The following PCDHA13 variants were observed in gnomAD, a reference collection of about 807,000 sequenced individuals.
PCDHA13 encodes protocadherin alpha 13, also known as protocadherin alpha-13.
A neutral mutation model predicts 64.8 loss-of-function variants in PCDHA13; 54 were observed. That is an observed-to-expected ratio of 0.83 (90% confidence interval 0.67 to 1.04). The LOEUF is 1.04. Ranked by LOEUF, PCDHA13 falls within the 50% of genes least tolerant of loss-of-function variation. The pLI, the probability that PCDHA13 is intolerant of heterozygous loss-of-function variation, is 0.00. For missense variants in PCDHA13, 1,248 were observed against 1,254.3 expected (o/e 0.99, Z 0.08); for synonymous variants, 587 against 564.4 (o/e 1.04, Z -0.57).
intron 1 of PCDHA13, among the ~76,000 whole-genome samples, chr5:140,937,805 G>A (rs1192616946): frequency 1.3e-5 from 2 of 149,798 alleles, no homozygotes; most frequent in African/African-American, 2.5e-5. Context: ...CCAGCTACTC[G>A]GGAAGCTGAG....
intron 1 of PCDHA13, among the ~76,000 whole-genome samples, chr5:140,918,373 C>A (rs1459758959): frequency 6.6e-6 from 1 of 152,056 alleles, no homozygotes; most frequent in Non-Finnish European, 1.5e-5. Context: ...TATTTGGATG[C>A]CTTTTATTTC....
intron 1 of PCDHA13, among the ~76,000 whole-genome samples, chr5:140,949,848 C>T (rs534650997): frequency 2.2e-4 from 34 of 151,738 alleles, no homozygotes; most frequent in African/African-American, 6.0e-4. Flanking sequence ...CTTCTGTTTC[C>T]GCTTATCTGT....
At chr5:140,970,271 G>A (rs1395602971) in intron 1 of PCDHA13, among the ~76,000 whole-genome samples, 1 of 152,200 alleles carries the variant, frequency 6.6e-6, no homozygotes, top group Non-Finnish European at 1.5e-5. Context: ...TTGATGAGAT[G>A]TAAAGTAGCC....
chr5:140,967,747 A>C, intron 1 of PCDHA13: 1 of 1,614,160 alleles, frequency 6.2e-7, no homozygotes, highest in Non-Finnish European at 8.5e-7. Context: ...ATTATGAGGA[A>C]GCCTCCTCCT....
intron 1 of PCDHA13, among the ~76,000 whole-genome samples, chr5:140,899,127 C>G (rs1487430888): frequency 2.0e-4 from 30 of 152,302 alleles, no homozygotes; most frequent in African/African-American, 7.0e-4. Context: ...ACAATCATGT[C>G]TTCTGCAAAC....
At chr5:140,949,005 A>G (rs1554218775) in intron 1 of PCDHA13, among the ~76,000 whole-genome samples, 1 of 151,654 alleles carries the variant, frequency 6.6e-6, no homozygotes, top group African/African-American at 2.4e-5. Context: ...ACTAATTTTT[A>G]TATGTGATGT....
chr5:140,945,813 C>T (rs10477097), intron 1 of PCDHA13, among the ~76,000 whole-genome samples: 2 of 152,084 alleles, frequency 1.3e-5, no homozygotes, highest in East Asian at 3.8e-4. Flanking sequence ...TTATCTCACA[C>T]TGTATACAAA....
intron 1 of PCDHA13, among the ~76,000 whole-genome samples, chr5:140,945,145 T>C (rs1310475283): frequency 2.6e-5 from 4 of 152,128 alleles, no homozygotes; most frequent in African/African-American, 2.4e-5. Flanking sequence ...CAATAGCATT[T>C]CTATACACTA....
rs782073950 is a variant in PCDHA13, at chr5:140,978,950, C to G, written c.2396C>G (p.Pro799Arg). The G allele has an allele frequency of 1.2e-6, 2 of 1,614,102 alleles. No individual in the cohort carries two copies. The highest frequency in any genetic ancestry group is 1.7e-6 in the Non-Finnish European group (2 of 1,180,022). Reference sequence around the variant, plus strand: ...AAAACTCTCTTTGTGATTTTGCAGCCACGACAGCCCAACCCTGACTGGCGT... The same window carrying G: ...AAAACTCTCTTTGTGATTTTGCAGCGACGACAGCCCAACCCTGACTGGCGT... ...REEDSECLKE[P>R]RQPNPDWRYS... The change falls in exon 2 of 4, where the codon CCA becomes CGA. Residue 799 changes from proline to arginine, a missense_variant and splice_region_variant. Coordinates refer to ENST00000289272, the MANE Select transcript of PCDHA13 (RefSeq NM_018904.3).
intron 1 of PCDHA13, among the ~76,000 whole-genome samples, chr5:140,959,860 A>G (rs1554224378): frequency 6.6e-6 from 1 of 152,230 alleles, no homozygotes; most frequent in East Asian, 1.9e-4. Context: ...GGAATTATGT[A>G]GCAAAATCTG....
rs1277390291 is a variant in PCDHA13 at position 140,926,661 on chromosome 5, A to T, written c.2394+41999A>T. 7.5e-6 allele frequency: 4 copies of T among 536,378 alleles called. No homozygotes were observed. In the African/African-American group the frequency reaches 7.9e-5, roughly 11 times the overall value. The allele number at this position is 536,378 out of a possible 1,614,324, so 33.2% of individuals were successfully genotyped here. A position where few individuals can be genotyped will look rare whatever the true frequency, so the allele number is the denominator to read the frequency against. On this transcript the variant is annotated intron_variant, in intron 1 of 3. Coordinates refer to ENST00000289272, the MANE Select transcript of PCDHA13 (RefSeq NM_018904.3). ...AACACCCGGCCGGCTCCGCTTTCCC[A>T]GACGGCTGCCCAGCCTCCAGCCTAG...
intron 1 of PCDHA13, among the ~76,000 whole-genome samples, chr5:140,909,441 C>T (rs971678951): frequency 6.6e-6 from 1 of 152,214 alleles, no homozygotes; most frequent in Non-Finnish European, 1.5e-5. Context: ...AATCCACTGT[C>T]ATTCTCCAAG....
intron 1 of PCDHA13, among the ~76,000 whole-genome samples, chr5:140,901,260 T>G (rs1554189701): frequency 1.3e-5 from 2 of 152,190 alleles, no homozygotes; most frequent in African/African-American, 2.4e-5. Flanking sequence ...CCTGTGATTG[T>G]GGGGTATTAC....
chr5:140,966,206 T>C, intron 1 of PCDHA13: 1 of 227,662 alleles, frequency 4.4e-6, no homozygotes, highest in Non-Finnish European at 8.5e-6. Context: ...GCTTGACTGC[T>C]TTTCCCAGAC....
intron 3 of PCDHA13, among the ~76,000 whole-genome samples, chr5:141,007,506 T>A (rs1370245633): frequency 6.6e-6 from 1 of 151,948 alleles, no homozygotes; most frequent in Non-Finnish European, 1.5e-5. Flanking sequence ...AGGCAGAGAC[T>A]GCAGTGAGCT....
intron 1 of PCDHA13, among the ~76,000 whole-genome samples, chr5:140,892,996 G>A (rs1014134688): frequency 2.0e-5 from 3 of 152,162 alleles, no homozygotes; most frequent in Admixed American, 1.3e-4. Flanking sequence ...GTGAGAACAT[G>A]TATTTATTTT....
intron 1 of PCDHA13, chr5:140,929,180 G>C (rs782260576): frequency 2.7e-5 from 44 of 1,614,150 alleles, no homozygotes; most frequent in Non-Finnish European, 3.7e-5. Flanking sequence ...CTGGGACTTG[G>C]TTCTGATAAT....
At chr5:140,937,658 A>T (rs1045534345) in intron 1 of PCDHA13, among the ~76,000 whole-genome samples, 2 of 151,280 alleles carry the variant, frequency 1.3e-5, no homozygotes, top group Non-Finnish European at 2.9e-5. Flanking sequence ...CACGCCTGTA[A>T]TCCCAGCACT....
intron 1 of PCDHA13, chr5:140,967,413 A>C: frequency 6.2e-7 from 1 of 1,613,218 alleles, no homozygotes; most frequent in Non-Finnish European, 8.5e-7. Context: ...AAGGGCCTAG[A>C]CCGGGAGCAG....
Sources: allele counts gnomAD v4.1 joint callset (sites outside exome capture counted in the v4.1 genomes callset), GRCh38; gene constraint gnomAD v4.1.1; transcripts MANE v1.5; gene names NCBI Gene and HGNC (gene_info 2026-07-23, HGNC 2026-07-21).